FLRT2: variants seen among roughly 807,000 people sequenced by gnomAD.
FLRT2 encodes the protein leucine-rich repeat transmembrane protein FLRT2.
FLRT2 carries 15 observed loss-of-function variants against 40.0 expected under a neutral mutation model. That is an observed-to-expected ratio of 0.38 (90% CI 0.25 to 0.58). The LOEUF (loss-of-function observed/expected upper bound fraction) is 0.58. Among genes scored for constraint, FLRT2 ranks in the 20% least tolerant of loss-of-function variants. FLRT2 has a pLI of 0.71. For synonymous variants in FLRT2, 380 were observed against 336.8 expected (o/e 1.13, Z -1.41); for missense variants, 726 against 840.0 (o/e 0.86, Z 1.68).
rs567299758 is a variant in FLRT2, at chr14:85,637,304, G to A, written c.*13807G>A. Reference sequence around the variant, plus strand: ...GTCATATAAGAATCACCATGGCATAGACATGGTAGGAAAAGCATTAGCTTT... The same window carrying A: ...GTCATATAAGAATCACCATGGCATAAACATGGTAGGAAAAGCATTAGCTTT... On this transcript the variant is annotated 3_prime_UTR_variant, in exon 2 of 2. Coordinates refer to ENST00000330753, the MANE Select transcript of FLRT2 (RefSeq NM_013231.6). The A allele has an allele frequency of 6.6e-6, 1 of 152,304 alleles. No individual in the cohort carries two copies. The highest frequency in any genetic ancestry group is 6.5e-5 in the Admixed American group (1 of 15,306). 9.4% of individuals were successfully genotyped at this position (152,304 alleles called of 1,614,324 possible). A position where few individuals can be genotyped will look rare whatever the true frequency, so the allele number is the denominator to read the frequency against.
Position 85,644,351 on chromosome 14 carries a change from T to A in FLRT2, c.*20854T>A, listed in dbSNP as rs543309903. 6.6e-6 allele frequency: 1 copy of A among 152,328 alleles called. No homozygotes were observed. Among genetic ancestry groups the A allele is most frequent in the African/African-American group, 2.4e-5 (1 of 41,582 alleles). The allele number at this position is 152,328 out of a possible 1,614,324, so 9.4% of individuals were successfully genotyped here. A position where few individuals can be genotyped will look rare whatever the true frequency, so the allele number is the denominator to read the frequency against. ...CAATAGGCAAAGAACACTAAAGTAG[T>A]CTGCTTTCACTTTCATTAACACGCC... On this transcript the variant is annotated 3_prime_UTR_variant, in exon 2 of 2. Coordinates refer to ENST00000330753, the MANE Select transcript of FLRT2 (RefSeq NM_013231.6).
At chr14:85,558,288 A>T (rs1890099511) in intron 1 of FLRT2, among the ~76,000 whole-genome samples, 1 of 150,764 alleles carries the variant, frequency 6.6e-6, no homozygotes, top group Non-Finnish European at 1.5e-5. Context: ...CTTTTCAGGA[A>T]TTTTTTTTTT....
At position 85,536,296 on chromosome 14, in the gene FLRT2, T is replaced by C. The variant is rs77004950; in HGVS notation, c.-377+5762T>C. The stretch of plus-strand genomic sequence containing the variant: ...GTACAAGTCCAGAAGCTTTATTCTG[T>C]AGAGACCCAGTGTGAACATCTGATC... On this transcript the variant is annotated intron_variant, in intron 1 of 1. Coordinates refer to ENST00000330753, the MANE Select transcript of FLRT2 (RefSeq NM_013231.6). 6.0e-3 allele frequency among the ~76,000 whole-genome samples: 918 copies of C among 152,146 alleles called. 13 individuals carry two copies. Among genetic ancestry groups the C allele is most frequent in the African/African-American group, 0.021 (851 of 41,446 alleles).
rs143041396 is a variant in FLRT2, at chr14:85,576,307, C to T, written c.-376-44832C>T. On this transcript the variant is annotated intron_variant, in intron 1 of 1. Transcript: ENST00000330753. ...TTTCGTGGCAAGAGCTGTGTATTTCCATTACCATGGTTATCTTCTGATGCC... is the reference window on the plus strand; with the variant it reads ...TTTCGTGGCAAGAGCTGTGTATTTCTATTACCATGGTTATCTTCTGATGCC... Among the ~76,000 whole-genome samples, 3 of 152,102 alleles carry T rather than the reference C, an allele frequency of 2.0e-5. No homozygotes were observed. The East Asian group carries it at 5.8e-4, about 29-fold the overall frequency.
chr14:85,572,428 C>T (rs1020618712), intron 1 of FLRT2, among the ~76,000 whole-genome samples: 1 of 152,160 alleles, frequency 6.6e-6, no homozygotes, highest in African/African-American at 2.4e-5. Context: ...AGCAGGTATG[C>T]GTTATCTCCT....
In FLRT2 at chr14:85,639,816, T is replaced by C. The variant is rs1201855609; in HGVS notation, c.*16319T>C. ...GTTTTCCCTCACCGCACCATGGTGC[T>C]TCACTAGCAGAAATTCTTTATTTTT... On this transcript the variant is annotated 3_prime_UTR_variant, in exon 2 of 2. Transcript: ENST00000330753. 1 of 151,600 alleles carries C rather than the reference T, an allele frequency of 6.6e-6. No homozygotes were observed. The highest frequency in any genetic ancestry group is 6.6e-5 in the Admixed American group (1 of 15,192). The allele number at this position is 151,600 out of a possible 1,614,324, so 9.4% of individuals were successfully genotyped here.
intron 1 of FLRT2, among the ~76,000 whole-genome samples, chr14:85,591,135 C>T (rs527892330): frequency 4.8e-4 from 73 of 152,322 alleles, no homozygotes; most frequent in African/African-American, 1.6e-3. Context: ...AATTCCAAGA[C>T]ATCCAATTCA....
intron 1 of FLRT2, among the ~76,000 whole-genome samples, chr14:85,586,587 C>G (rs966490454): frequency 6.6e-6 from 1 of 151,890 alleles, no homozygotes; most frequent in African/African-American, 2.4e-5. Context: ...GCTTTATAAT[C>G]GTGATAAAAC....
chr14:85,535,892 G>GTTTTTTTTTTTTTT (rs71454768), intron 1 of FLRT2, among the ~76,000 whole-genome samples: 3 of 57,902 alleles, frequency 5.2e-5, no homozygotes, highest in Non-Finnish European at 6.8e-5. Context: ...AAGGAATGCT[G>GTTTTTTTTTTTTTT]TTTTTTTTTT....
At chr14:85,543,942 T>C (rs8022536) in intron 1 of FLRT2, among the ~76,000 whole-genome samples, 63,976 of 151,942 alleles carry the variant, frequency 0.42, 14,178 homozygotes, top group African/African-American at 0.56. Context: ...CATTAGACTT[T>C]AGGAACTTTG....
At position 85,623,595 on chromosome 14, in the gene FLRT2, T is replaced by G; in HGVS notation, c.*98T>G. 1 of 961,670 alleles carries G rather than the reference T, an allele frequency of 1.0e-6. No homozygotes were observed. Among genetic ancestry groups the G allele is most frequent in the Non-Finnish European group, 1.4e-6 (1 of 694,704 alleles). 59.6% of individuals were successfully genotyped at this position (961,670 alleles called of 1,614,324 possible). On this transcript the variant is annotated 3_prime_UTR_variant, in exon 2 of 2. Coordinates refer to ENST00000330753, the MANE Select transcript of FLRT2 (RefSeq NM_013231.6). ...CACGCAGATTACATTTGATAAATGTTACACAGATGCATTTGTGCATTTGAA... is the reference window on the plus strand; with the variant it reads ...CACGCAGATTACATTTGATAAATGTGACACAGATGCATTTGTGCATTTGAA...
chr14:85,562,391 G>A (rs781583282), intron 1 of FLRT2, among the ~76,000 whole-genome samples: 4 of 152,258 alleles, frequency 2.6e-5, no homozygotes, highest in Admixed American at 6.5e-5. Flanking sequence ...AAGAAGACCC[G>A]TGTTTCAATG....
chr14:85,546,345 T>C (rs1889279830), intron 1 of FLRT2, among the ~76,000 whole-genome samples: 1 of 152,210 alleles, frequency 6.6e-6, no homozygotes, highest in Non-Finnish European at 1.5e-5. Context: ...GTGGCTTCTG[T>C]CACTTCTGTG....
chr14:85,577,479 A>C (rs1891166187), intron 1 of FLRT2, among the ~76,000 whole-genome samples: 1 of 152,186 alleles, frequency 6.6e-6, no homozygotes, highest in African/African-American at 2.4e-5. Flanking sequence ...AATTCCCTGC[A>C]GCCATGCTCC....
chr14:85,610,692 T>G (rs774318336), intron 1 of FLRT2, among the ~76,000 whole-genome samples: 1 of 152,128 alleles, frequency 6.6e-6, no homozygotes, highest in East Asian at 1.9e-4. Flanking sequence ...TCTCTTCTCC[T>G]GAGCACCATC....
chr14:85,535,247 T>C (rs540897160), intron 1 of FLRT2, among the ~76,000 whole-genome samples: 11 of 152,252 alleles, frequency 7.2e-5, no homozygotes, highest in African/African-American at 2.6e-4. Flanking sequence ...ATGTCTAATT[T>C]CTCACAACCA....
At chr14:85,577,896 AT>A (rs1173658354) in intron 1 of FLRT2, among the ~76,000 whole-genome samples, 1 of 150,474 alleles carries the variant, frequency 6.6e-6, no homozygotes, top group Non-Finnish European at 1.5e-5. Context: ...TTACTTTTTT[AT>A]TTTTTTTCAC....
chr14:85,571,201 T>A (rs1890877564), intron 1 of FLRT2, among the ~76,000 whole-genome samples: 1 of 152,172 alleles, frequency 6.6e-6, no homozygotes, highest in South Asian at 2.1e-4. Context: ...GAAAACGATG[T>A]CATCTTAAGA....
intron 1 of FLRT2, among the ~76,000 whole-genome samples, chr14:85,571,619 G>A (rs578242688): frequency 6.6e-6 from 1 of 152,250 alleles, no homozygotes; most frequent in Non-Finnish European, 1.5e-5. Flanking sequence ...GGTGGAGTGG[G>A]AGGAATCTTA....
Sources: gnomAD v4.1 joint callset for allele counts (sites outside exome capture counted in the v4.1 genomes callset) on GRCh38, gnomAD v4.1.1 for gene constraint, MANE v1.5 for transcripts, NCBI Gene and HGNC (gene_info 2026-07-23, HGNC 2026-07-21) for gene names.